GRM1: variants seen among roughly 807,000 people sequenced by gnomAD.
GRM1 encodes the protein metabotropic glutamate receptor 1.
In GRM1, 33 loss-of-function variants were observed where a neutral mutation model predicts 90.9. That is an observed-to-expected ratio of 0.36 (90% CI 0.28 to 0.49). The LOEUF (loss-of-function observed/expected upper bound fraction) is 0.49. Ranked by LOEUF, GRM1 falls within the 20% of genes least tolerant of loss-of-function variation. The pLI, the probability that GRM1 is intolerant of heterozygous loss-of-function variation, is 0.99. For synonymous variants in GRM1, 700 were observed against 613.2 expected, an observed-to-expected ratio of 1.14 and a Z score of -2.09; for missense variants, 1,190 against 1,534.3, an observed-to-expected ratio of 0.78 and a Z score of 3.75.
chr6:146,264,729 T>C (rs1376205287), intron 2 of GRM1, among the ~76,000 whole-genome samples: 1 of 152,134 alleles, frequency 6.6e-6, no homozygotes, highest in East Asian at 1.9e-4. Flanking sequence ...ATTATTTCCA[T>C]CTTTATGTCC....
Position 146,037,302 on chromosome 6 carries a change from T to C in GRM1, c.700+7085T>C, listed in dbSNP as rs188781579. Among the ~76,000 whole-genome samples, 6 of 152,092 alleles carry C rather than the reference T, an allele frequency of 3.9e-5. No individual in the cohort carries two copies. In the East Asian group the frequency reaches 1.2e-3, roughly 29 times the overall value. On this transcript the variant is annotated intron_variant, in intron 1 of 7. Coordinates refer to ENST00000282753, the MANE Select transcript of GRM1 (RefSeq NM_001278064.2). ...TAATATAAGATTAAAATGAAATTCATGATTAAGATAAAGGTGTAGCATCTA... is the reference window on the plus strand; with the variant it reads ...TAATATAAGATTAAAATGAAATTCACGATTAAGATAAAGGTGTAGCATCTA...
chr6:146,068,167 A>T (rs368682662), intron 1 of GRM1, among the ~76,000 whole-genome samples: 1 of 150,014 alleles, frequency 6.7e-6, no homozygotes, highest in East Asian at 2.0e-4. Context: ...GCTGGAGTGC[A>T]GTGGCACGAT....
At chr6:146,274,261 ATGT>A (rs1782277406) in intron 2 of GRM1, among the ~76,000 whole-genome samples, 1 of 152,230 alleles carries the variant, frequency 6.6e-6, no homozygotes, top group Non-Finnish European at 1.5e-5. Flanking sequence ...TTTTATCTAA[ATGT>A]TGTCAATTCA....
intron 2 of GRM1, among the ~76,000 whole-genome samples, chr6:146,240,184 A>G (rs1304187007): frequency 2.0e-5 from 3 of 152,064 alleles, no homozygotes; most frequent in African/African-American, 4.8e-5. Flanking sequence ...GCTGACTTCC[A>G]AACACTTCAG....
At position 146,247,300 on chromosome 6, in the gene GRM1, G is replaced by A. The variant is rs545743388; in HGVS notation, c.951-57311G>A. Among the ~76,000 whole-genome samples, 8 of 152,220 alleles carry A rather than the reference G, an allele frequency of 5.3e-5. No individual in the cohort carries two copies. The East Asian group carries it at 1.5e-3, about 29-fold the overall frequency. ...TCTGTGGGGCCACTTATCTGGCAAGGGTCATATATCATTAGTGACCTGGCT... is the reference window on the plus strand; with the variant it reads ...TCTGTGGGGCCACTTATCTGGCAAGAGTCATATATCATTAGTGACCTGGCT... On this transcript the variant is annotated intron_variant, in intron 2 of 7. Transcript: ENST00000282753.
intron 3 of GRM1, chr6:146,340,614 C>G (rs1050207246): frequency 6.6e-6 from 1 of 152,574 alleles, no homozygotes; most frequent in Non-Finnish European, 1.5e-5. Flanking sequence ...GGTATGATAT[C>G]AGCTCACTGC....
At chr6:146,275,530 C>T (rs781399596) in intron 2 of GRM1, among the ~76,000 whole-genome samples, 20 of 151,962 alleles carry the variant, frequency 1.3e-4, no homozygotes, top group African/African-American at 4.8e-4. Flanking sequence ...CTCTCTGTCT[C>T]TCTCTCCCCC....
intron 1 of GRM1, among the ~76,000 whole-genome samples, chr6:146,038,686 C>T (rs1055577417): frequency 2.0e-5 from 3 of 151,774 alleles, no homozygotes; most frequent in African/African-American, 7.3e-5. Flanking sequence ...CAGCATGTGG[C>T]CCTCAATGCA....
intron 7 of GRM1, among the ~76,000 whole-genome samples, chr6:146,404,899 A>T (rs952815308): frequency 6.6e-6 from 1 of 152,216 alleles, no homozygotes; most frequent in Non-Finnish European, 1.5e-5. Context: ...GTAATCCAAT[A>T]ACAGGTAAAA....
intron 1 of GRM1, among the ~76,000 whole-genome samples, chr6:146,122,835 C>CTTTTTTTTTTTTTTTTTTTT (rs1554269490): frequency 2.0e-5 from 2 of 101,768 alleles, no homozygotes; most frequent in African/African-American, 7.4e-5. Context: ...CTTTTCTTTT[C>CTTTTTTTTTTTTTTTTTTTT]TTTCTTTTTT....
rs1312303235 is a variant in GRM1 at position 146,418,616 on chromosome 6, ATAAT to A, written c.2661-15250_2661-15247del. ...ATTATGACATTCAATATTAAATTTT[ATAAT>A]TAATTTAAGAATTTATAATAAAAAT... is the stretch of plus-strand genomic sequence containing the variant. On this transcript the variant is annotated intron_variant, in intron 7 of 7. Coordinates refer to ENST00000282753, the MANE Select transcript of GRM1 (RefSeq NM_001278064.2). Among the ~76,000 whole-genome samples, 3 of 151,818 alleles carry A rather than the reference ATAAT, an allele frequency of 2.0e-5. No homozygotes were observed. In the East Asian group the frequency reaches 5.8e-4, roughly 29 times the overall value.
intron 5 of GRM1, among the ~76,000 whole-genome samples, chr6:146,373,091 C>G (rs1158948831): frequency 2.6e-5 from 4 of 152,066 alleles, no homozygotes; most frequent in African/African-American, 9.7e-5. Flanking sequence ...TTATTCTAAT[C>G]AATTAACATA....
At chr6:146,421,771 A>C (rs540106040) in intron 7 of GRM1, among the ~76,000 whole-genome samples, 283 of 152,258 alleles carry the variant, frequency 1.9e-3, no homozygotes, top group South Asian at 6.8e-3. Flanking sequence ...TGCATTGTGC[A>C]TATATATAAA....
At chr6:146,165,852 C>CT (rs1325577745) in intron 2 of GRM1, among the ~76,000 whole-genome samples, 1 of 152,070 alleles carries the variant, frequency 6.6e-6, no homozygotes, top group Non-Finnish European at 1.5e-5. Context: ...TCCATAACAA[C>CT]TGAGGAGGTT....
chr6:146,228,266 T>C (rs1406493682), intron 2 of GRM1, among the ~76,000 whole-genome samples: 1 of 152,206 alleles, frequency 6.6e-6, no homozygotes, highest in Non-Finnish European at 1.5e-5. Flanking sequence ...TTTATTACAG[T>C]TCTGGAGGAC....
intron 1 of GRM1, among the ~76,000 whole-genome samples, chr6:146,072,293 TG>T (rs1410941481): frequency 6.6e-6 from 1 of 152,146 alleles, no homozygotes; most frequent in Non-Finnish European, 1.5e-5. Flanking sequence ...GCATCTGAGC[TG>T]TAACATTTCC....
At chr6:146,137,121 G>A (rs1466969250) in intron 1 of GRM1, among the ~76,000 whole-genome samples, 1 of 152,100 alleles carries the variant, frequency 6.6e-6, no homozygotes, top group Non-Finnish European at 1.5e-5. Context: ...CCAAAGTGCT[G>A]AGATTACAGG....
chr6:146,220,471 A>G (rs896817206), intron 2 of GRM1, among the ~76,000 whole-genome samples: 1 of 152,132 alleles, frequency 6.6e-6, no homozygotes, highest in Non-Finnish European at 1.5e-5. Flanking sequence ...CTCTGCATAT[A>G]TATCCCAATA....
intron 2 of GRM1, among the ~76,000 whole-genome samples, chr6:146,230,987 G>T (rs903468997): frequency 1.1e-4 from 17 of 152,034 alleles, no homozygotes; most frequent in Admixed American, 2.0e-4. Context: ...AAGATGAGTG[G>T]GTACCAAGGG....
Sources: gnomAD v4.1 joint callset for allele counts (sites outside exome capture counted in the v4.1 genomes callset) on GRCh38, gnomAD v4.1.1 for gene constraint, MANE v1.5 for transcripts, NCBI Gene and HGNC (gene_info 2026-07-23, HGNC 2026-07-21) for gene names.